The following PSMB7 variants were observed in gnomAD, a reference collection of about 807,000 sequenced individuals.
PSMB7 encodes the protein proteasome 20S subunit beta 7.
A neutral mutation model predicts 28.1 loss-of-function variants in PSMB7; 5 were observed. The ratio of observed to expected loss-of-function variants is 0.18; its 90% CI spans 0.09 to 0.37. The LOEUF is 0.37. PSMB7 is among the 10% of genes least tolerant of loss of function. The pLI is 1.00. For missense variants in PSMB7, 275 were observed against 346.2 expected (o/e 0.79, Z 1.63); for synonymous variants, 122 against 123.7 (o/e 0.99, Z 0.09).
chr9:124,400,251 C>T (rs1358091607), intron 5 of PSMB7, among the ~76,000 whole-genome samples: 1 of 152,214 alleles, frequency 6.6e-6, no homozygotes, highest in East Asian at 1.9e-4. Context: ...ATCCCTCAGG[C>T]GTTTAAGTGT....
intron 4 of PSMB7, among the ~76,000 whole-genome samples, chr9:124,407,392 C>G (rs1344630297): frequency 1.3e-5 from 2 of 152,118 alleles, no homozygotes; most frequent in Non-Finnish European, 2.9e-5. Context: ...GAGCCCCAGA[C>G]AAGGGAAGAA....
Position 124,395,508 on chromosome 9 carries a change from A to G in PSMB7, c.511+9809T>C, listed in dbSNP as rs540966897. 7.9e-4 allele frequency among the ~76,000 whole-genome samples: 120 copies of G among 152,238 alleles called. 1 individual carries two copies. In the South Asian group the frequency reaches 0.022, roughly 28 times the overall value. On this transcript the variant is annotated intron_variant, in intron 5 of 7. Coordinates refer to ENST00000259457, the MANE Select transcript of PSMB7 (RefSeq NM_002799.4). ...CCCCGCCCCTAAAAAATAAAAACAAATAAGTTAATTATTATTTTTTAAAAA... is the reference window on the plus strand; with the variant it reads ...CCCCGCCCCTAAAAAATAAAAACAAGTAAGTTAATTATTATTTTTTAAAAA...
intron 6 of PSMB7, among the ~76,000 whole-genome samples, chr9:124,363,683 C>T (rs1208259312): frequency 5.3e-5 from 8 of 152,170 alleles, no homozygotes; most frequent in Non-Finnish European, 1.2e-4. Flanking sequence ...GCTGGTGTTG[C>T]CATTTCTTTC....
At position 124,414,880 on chromosome 9, in the gene PSMB7, G is replaced by A. The variant is rs760924746; in HGVS notation, c.118C>T (p.Arg40Trp). ...CCAGCGATGGTCGTGCCAGTTTTCCGGACCTTTGGAAGCTTGTATCCCCTC... is the reference window on the plus strand; with the variant it reads ...CCAGCGATGGTCGTGCCAGTTTTCCAGACCTTTGGAAGCTTGTATCCCCTC... ...AKRGYKLPKV[R>W]KTGTTIAGVV... is the part of the protein sequence containing the mutation. Residue 40 changes from arginine to tryptophan, a missense_variant, in exon 2 of 8, where the codon CGG (arginine) becomes TGG (tryptophan). Coordinates refer to ENST00000259457, the MANE Select transcript of PSMB7 (RefSeq NM_002799.4). 2.5e-6 allele frequency: 4 copies of A among 1,613,918 alleles called. No homozygotes were observed. Among genetic ancestry groups the A allele is most frequent in the East Asian group, 2.2e-5 (1 of 44,872 alleles).
chr9:124,401,846 C>G (rs1424878841), intron 5 of PSMB7, among the ~76,000 whole-genome samples: 1 of 151,990 alleles, frequency 6.6e-6, no homozygotes, highest in African/African-American at 2.4e-5. Context: ...CAGTGAAATC[C>G]CCTCTCTACT....
intron 5 of PSMB7, among the ~76,000 whole-genome samples, chr9:124,389,619 G>A (rs1190679069): frequency 6.6e-6 from 1 of 151,868 alleles, no homozygotes; most frequent in Non-Finnish European, 1.5e-5. Context: ...GGGAGGCAGG[G>A]AGGACAAATG....
chr9:124,360,352 T>C (rs2131142572), intron 6 of PSMB7, among the ~76,000 whole-genome samples: 1 of 152,336 alleles, frequency 6.6e-6, no homozygotes, highest in African/African-American at 2.4e-5. Context: ...GCACCTCCCT[T>C]TTCTGGAAGA....
At position 124,356,771 on chromosome 9, in the gene PSMB7, CCTT is replaced by C; in HGVS notation, c.712_714del (p.Lys238del). The C allele has an allele frequency of 1.9e-6, 3 of 1,612,726 alleles. No homozygotes were observed. Among genetic ancestry groups the C allele is most frequent in the Non-Finnish European group, 2.5e-6 (3 of 1,179,004 alleles). ...TTCGTCTCCTTCACTCACCTGGTCCCCTTCTTGTTGGGCACTGTGTATGGGCGG... is the reference window on the plus strand; with the variant it reads ...TTCGTCTCCTTCACTCACCTGGTCCCCTTGTTGGGCACTGTGTATGGGCGG... On this transcript the variant is annotated inframe_deletion, in exon 7 of 8. Transcript: ENST00000259457. This position sits in a 1 kb window ranked among gnomAD's most constrained non-coding sequence, Gnocchi z 4.4.
chr9:124,392,547 G>T (rs1379550262), intron 5 of PSMB7, among the ~76,000 whole-genome samples: 1 of 152,164 alleles, frequency 6.6e-6, no homozygotes, highest in Non-Finnish European at 1.5e-5. Context: ...GGCTCTGAGG[G>T]TTACACAAGA....
In PSMB7 at chr9:124,415,402, A is replaced by C. The variant is rs1403489764; in HGVS notation, c.24T>G (p.Ala8=). MAAVSVY[A]PPVGGFSFDN... ...CAAAAGAGAAGCCTCCAACTGGTGGAGCATACACCGACACAGCCGCCATCT... is the reference window on the plus strand; with the variant it reads ...CAAAAGAGAAGCCTCCAACTGGTGGCGCATACACCGACACAGCCGCCATCT... The change falls in exon 1 of 8, where the codon GCT becomes GCG. Residue 8 remains alanine (A), a synonymous_variant. Transcript: ENST00000259457. The C allele has an allele frequency of 6.2e-7, 1 of 1,614,130 alleles. No homozygotes were observed. The highest frequency in any genetic ancestry group is 1.3e-5 in the African/African-American group (1 of 75,058).
At chr9:124,368,759 C>T (rs1326398707) in intron 6 of PSMB7, among the ~76,000 whole-genome samples, 1 of 152,244 alleles carries the variant, frequency 6.6e-6, no homozygotes, top group Non-Finnish European at 1.5e-5. Context: ...AGAGTAAACT[C>T]TTGTTATACC....
In PSMB7 at chr9:124,410,832, G is replaced by A. The variant is rs577650864; in HGVS notation, c.395+1520C>T. ...CCCGCAAATTATCAGGAAGGCCAGG[G>A]CCCTGAAGGGAACAGTGAAGTGAGC... On this transcript the variant is annotated intron_variant, in intron 4 of 7. Coordinates refer to ENST00000259457, the MANE Select transcript of PSMB7 (RefSeq NM_002799.4). Among the ~76,000 whole-genome samples, 38 of 152,314 alleles carry A rather than the reference G, an allele frequency of 2.5e-4. 1 individual carries two copies. The South Asian group carries it at 7.9e-3, about 32-fold the overall frequency.
At chr9:124,411,790 C>T (rs139691496) in intron 4 of PSMB7, among the ~76,000 whole-genome samples, 9 of 152,180 alleles carry the variant, frequency 5.9e-5, no homozygotes, top group South Asian at 4.1e-4. Flanking sequence ...AAATAGGAGA[C>T]GCTAATAGTC....
At chr9:124,365,896 C>G (rs1052652230) in intron 6 of PSMB7, among the ~76,000 whole-genome samples, 4 of 152,052 alleles carry the variant, frequency 2.6e-5, no homozygotes, top group Admixed American at 2.0e-4. Context: ...GCCTGAGAGA[C>G]AGAGCAAAAC....
chr9:124,412,690 A>G (rs1473743474), intron 3 of PSMB7, among the ~76,000 whole-genome samples, 198 bp from the exon 4 acceptor site: 1 of 152,236 alleles, frequency 6.6e-6, no homozygotes, highest in Non-Finnish European at 1.5e-5. Flanking sequence ...ATGCAAATAC[A>G]TTATCTATGG....
chr9:124,402,710 GAAAA>G (rs893244080), intron 5 of PSMB7, among the ~76,000 whole-genome samples: 58 of 152,068 alleles, frequency 3.8e-4, no homozygotes, highest in African/African-American at 1.4e-3. Flanking sequence ...GTAAAAAAAA[GAAAA>G]AATAAAAACT....
chr9:124,388,037 T>C lies in PSMB7; in HGVS notation c.512-3381A>G, dbSNP rs916583791. On this transcript the variant is annotated intron_variant, in intron 5 of 7. Transcript: ENST00000259457. ...TCTACTACAGCCACCATGTGACCTGTAAAACATTAATATATTACATCCTCT... is the reference window on the plus strand; with the variant it reads ...TCTACTACAGCCACCATGTGACCTGCAAAACATTAATATATTACATCCTCT... Among the ~76,000 whole-genome samples the C allele has an allele frequency of 2.0e-5, 3 of 152,220 alleles. No individual in the cohort carries two copies. The East Asian group carries it at 5.8e-4, about 29-fold the overall frequency.
intron 5 of PSMB7, among the ~76,000 whole-genome samples, chr9:124,394,216 G>T (rs1168870657): frequency 6.6e-6 from 1 of 152,228 alleles, no homozygotes; most frequent in African/African-American, 2.4e-5. Context: ...ATGGGTACAT[G>T]AACTCAGATC....
At position 124,353,500 on chromosome 9, in the gene PSMB7, T is replaced by C. The variant is rs916492488; in HGVS notation, c.*98A>G. 17 of 958,686 alleles carry C rather than the reference T, an allele frequency of 1.8e-5. No homozygotes were observed. Among genetic ancestry groups the C allele is most frequent in the Admixed American group, 2.0e-5 (1 of 50,078 alleles). The allele number at this position is 958,686 out of a possible 1,614,324, so 59.4% of individuals were successfully genotyped here. ...AATTTGGTTTTTGTTTTTTATTGAG[T>C]TGAGTTTCATTCGGCAAACACTAGC... On this transcript the variant is annotated 3_prime_UTR_variant, in exon 8 of 8. Coordinates refer to ENST00000259457, the MANE Select transcript of PSMB7 (RefSeq NM_002799.4).
Sources: allele counts gnomAD v4.1 joint callset (sites outside exome capture counted in the v4.1 genomes callset), GRCh38; gene constraint gnomAD v4.1.1; non-coding constraint Gnocchi (gnomAD v3.1); transcripts MANE v1.5; gene names NCBI Gene and HGNC (gene_info 2026-07-23, HGNC 2026-07-21).